The following FHIP1A variants were observed in gnomAD, a reference collection of about 807,000 sequenced individuals.
FHIP1A encodes the protein FHF complex subunit HOOK-interacting protein 1A.
A neutral mutation model predicts 88.6 loss-of-function variants in FHIP1A; 61 were observed. The ratio of observed to expected loss-of-function variants is 0.69; its 90% CI spans 0.56 to 0.85. The LOEUF (loss-of-function observed/expected upper bound fraction) is 0.85, where lower values mean the gene tolerates loss of function less well. Ranked by LOEUF, FHIP1A falls within the 40% of genes least tolerant of loss-of-function variation. The pLI is 0.00. For synonymous variants in FHIP1A, 478 were observed against 496.0 expected, an observed-to-expected ratio of 0.96 and a Z score of 0.48; for missense variants, 1,154 against 1,273.5, an observed-to-expected ratio of 0.91 and a Z score of 1.43.
rs918511081 is a variant in FHIP1A, at chr4:151,649,357, T to A, written c.1418-102T>A. On this transcript the variant is annotated intron_variant, in intron 10 of 13. Transcript: ENST00000435205. Reference sequence around the variant, plus strand: ...TAATCAGATATAATTAGACCCAAAGTAGCTGGCAAGACACAGTCTTAGCCC... The same window carrying A: ...TAATCAGATATAATTAGACCCAAAGAAGCTGGCAAGACACAGTCTTAGCCC... 4.2e-6 allele frequency: 3 copies of A among 710,318 alleles called. No homozygotes were observed. In the African/African-American group the frequency reaches 5.4e-5, roughly 13 times the overall value. The allele number at this position is 710,318 out of a possible 1,614,324, so 44.0% of individuals were successfully genotyped here. A position where few individuals can be genotyped will look rare whatever the true frequency, so the allele number is the denominator to read the frequency against.
rs994960292 is a variant in FHIP1A, at chr4:151,557,793, A to G, written c.-122-8345A>G. 5.3e-5 allele frequency among the ~76,000 whole-genome samples: 8 copies of G among 152,340 alleles called. No homozygotes were observed. In the East Asian group the frequency reaches 1.3e-3, roughly 26 times the overall value. ...AAGCCTAAATTCTGGACCTCCAAGC[A>G]GAAATTAGATCCTCCTTTACCCTTT... On this transcript the variant is annotated intron_variant, in intron 3 of 13. Transcript: ENST00000435205.
At chr4:151,629,084 C>A (rs1030723971) in intron 7 of FHIP1A, among the ~76,000 whole-genome samples, 2 of 152,076 alleles carry the variant, frequency 1.3e-5, no homozygotes, top group East Asian at 1.9e-4. Context: ...GCAGTAAGTT[C>A]TTATAGTACT....
intron 7 of FHIP1A, among the ~76,000 whole-genome samples, chr4:151,625,543 C>A (rs1426498712): frequency 6.6e-6 from 1 of 152,190 alleles, no homozygotes; most frequent in Non-Finnish European, 1.5e-5. Context: ...ACAGAAAGGT[C>A]AGAATGTCTA....
intron 3 of FHIP1A, among the ~76,000 whole-genome samples, chr4:151,516,541 C>T (rs1731244750): frequency 6.6e-6 from 1 of 152,018 alleles, no homozygotes; most frequent in Non-Finnish European, 1.5e-5. Context: ...AAAATTTTTG[C>T]AACCTACTCA....
At chr4:151,567,702 A>G (rs1039797369) in intron 4 of FHIP1A, among the ~76,000 whole-genome samples, 7 of 152,176 alleles carry the variant, frequency 4.6e-5, no homozygotes, top group Admixed American at 2.6e-4. Context: ...GTCTGTTTCT[A>G]TCTTTACCTT....
At chr4:151,507,321 G>A (rs983049644) in intron 3 of FHIP1A, among the ~76,000 whole-genome samples, 9 of 152,018 alleles carry the variant, frequency 5.9e-5, no homozygotes, top group African/African-American at 2.2e-4. Flanking sequence ...ATGGGGTCTC[G>A]CTATATTGCC....
At chr4:151,553,707 T>A (rs1732835591) in intron 3 of FHIP1A, among the ~76,000 whole-genome samples, 1 of 152,186 alleles carries the variant, frequency 6.6e-6, no homozygotes, top group Non-Finnish European at 1.5e-5. Context: ...AGTAAACCAG[T>A]TGTTACAGCT....
chr4:151,443,425 C>T (rs1183806949), intron 1 of FHIP1A, among the ~76,000 whole-genome samples: 1 of 152,146 alleles, frequency 6.6e-6, no homozygotes, highest in Non-Finnish European at 1.5e-5. Flanking sequence ...GCCTCAGCCT[C>T]AGCTACCACG....
intron 2 of FHIP1A, among the ~76,000 whole-genome samples, chr4:151,479,501 A>G (rs1157698195): frequency 6.6e-6 from 1 of 152,096 alleles, no homozygotes; most frequent in Non-Finnish European, 1.5e-5. Context: ...TTGAGAATGA[A>G]ATTATTCAAT....
intron 3 of FHIP1A, among the ~76,000 whole-genome samples, chr4:151,501,393 A>G (rs1388800435): frequency 6.6e-6 from 1 of 152,216 alleles, no homozygotes; most frequent in Non-Finnish European, 1.5e-5. Context: ...ATTATTTAAT[A>G]GAAACACCGA....
chr4:151,481,062 T>C (rs1212226100), intron 2 of FHIP1A, among the ~76,000 whole-genome samples: 1 of 152,072 alleles, frequency 6.6e-6, no homozygotes, highest in African/African-American at 2.4e-5. Flanking sequence ...AAAGACATAT[T>C]TGTTTTACAG....
chr4:151,599,014 A>G (rs28404927), intron 7 of FHIP1A, among the ~76,000 whole-genome samples: 5,168 of 152,268 alleles, frequency 0.034, 301 homozygotes, highest in African/African-American at 0.12. Flanking sequence ...TGGCAGATGT[A>G]CATTACTTTT....
chr4:151,524,547 C>A (rs1024663925), intron 3 of FHIP1A, among the ~76,000 whole-genome samples: 1 of 152,154 alleles, frequency 6.6e-6, no homozygotes, highest in African/African-American at 2.4e-5. Context: ...AGAGGAGGCA[C>A]CAGCAGCTGC....
intron 5 of FHIP1A, among the ~76,000 whole-genome samples, chr4:151,578,540 G>T (rs550105466): frequency 6.6e-5 from 10 of 152,262 alleles, no homozygotes; most frequent in Admixed American, 3.3e-4. Flanking sequence ...AGGAACATGG[G>T]GGGGTGGAGT....
chr4:151,532,785 G>A (rs1413116461), intron 3 of FHIP1A, among the ~76,000 whole-genome samples: 1 of 152,168 alleles, frequency 6.6e-6, no homozygotes, highest in Non-Finnish European at 1.5e-5. Context: ...AGGCCTTAGA[G>A]TCATGGCGGG....
intron 2 of FHIP1A, among the ~76,000 whole-genome samples, chr4:151,475,089 G>A (rs529415748): frequency 2.6e-5 from 4 of 152,298 alleles, no homozygotes; most frequent in African/African-American, 7.2e-5. Context: ...GCTTCTGTGT[G>A]ATTTTAGTTA....
intron 9 of FHIP1A, among the ~76,000 whole-genome samples, chr4:151,645,636 C>T (rs1166338093): frequency 6.6e-6 from 1 of 151,202 alleles, no homozygotes; most frequent in African/African-American, 2.4e-5. Flanking sequence ...GGATTAGGCT[C>T]ATCTGCAATT....
chr4:151,643,150 A>G (rs938394274), intron 9 of FHIP1A, among the ~76,000 whole-genome samples: 10 of 152,080 alleles, frequency 6.6e-5, no homozygotes, highest in African/African-American at 1.4e-4. Flanking sequence ...CAGCCAATTC[A>G]TTTTCATATT....
intron 7 of FHIP1A, among the ~76,000 whole-genome samples, chr4:151,625,079 G>T (rs1375704546): frequency 6.6e-6 from 1 of 152,138 alleles, no homozygotes; most frequent in Non-Finnish European, 1.5e-5. Context: ...CGTTGGCTTG[G>T]CTCTCTCTGG....
Sources: gnomAD v4.1 joint callset for allele counts (sites outside exome capture counted in the v4.1 genomes callset) on GRCh38, gnomAD v4.1.1 for gene constraint, MANE v1.5 for transcripts, NCBI Gene and HGNC (gene_info 2026-07-23, HGNC 2026-07-21) for gene names.